The following HABP4 variants were observed in gnomAD, a reference collection of about 807,000 sequenced individuals.
HABP4 encodes the protein hyaluronan binding protein 4, also known as intracellular hyaluronan-binding protein 4.
HABP4 carries 32 observed loss-of-function variants against 44.1 expected under a neutral mutation model. The ratio of observed to expected loss-of-function variants is 0.73; its 90% confidence interval spans 0.55 to 0.97. The LOEUF is 0.97. Among genes scored for constraint, HABP4 ranks in the 50% least tolerant of loss-of-function variants. The pLI is 0.00. For missense variants in HABP4, 503 were observed against 561.9 expected (o/e 0.90, Z 1.06); for synonymous variants, 216 against 218.0 (o/e 0.99, Z 0.08).
At chr9:96,485,763 A>C (rs1459608954) in intron 6 of HABP4, among the ~76,000 whole-genome samples, 2 of 152,046 alleles carry the variant, frequency 1.3e-5, no homozygotes, top group Non-Finnish European at 2.9e-5. Flanking sequence ...ACAGCTTGAT[A>C]CCAGTCACTA....
rs749991176 is a variant in HABP4 at position 96,458,388 on chromosome 9, G to C, written c.359G>C (p.Arg120Pro). ...GATTTTCTGTTGGTAGGCCAGAAGC[G>C]GACTCCTAGAAGAGGGGAGCAGCAA... is the stretch of plus-strand genomic sequence containing the variant. ...GGGLQAPGQK[R>P]TPRRGEQQGW... The change falls in exon 2 of 8, where the codon CGG becomes CCG. Residue 120 changes from arginine (R) to proline (P), a missense_variant. Transcript: ENST00000375249. The C allele has an allele frequency of 1.5e-5, 24 of 1,613,820 alleles. No individual in the cohort carries two copies. In the Admixed American group the frequency reaches 2.0e-4, roughly 13 times the overall value.
At chr9:96,457,891 ATAAAT>A (rs1478650457) in intron 1 of HABP4, among the ~76,000 whole-genome samples, 1 of 152,206 alleles carries the variant, frequency 6.6e-6, no homozygotes, top group Non-Finnish European at 1.5e-5. Context: ...AATTAAGTAA[ATAAAT>A]TAAAAAAATA....
At position 96,489,962 on chromosome 9, in the gene HABP4, G is replaced by A. The variant is rs1423990449; in HGVS notation, c.1186-20G>A. 1 of 1,491,716 alleles carries A rather than the reference G, an allele frequency of 6.7e-7. No homozygotes were observed. The highest frequency in any genetic ancestry group is 1.4e-5 in the African/African-American group (1 of 72,752). 92.4% of individuals were successfully genotyped at this position (1,491,716 alleles called of 1,614,324 possible). On this transcript the variant is annotated intron_variant, in intron 7 of 7. Transcript: ENST00000375249. The stretch of plus-strand genomic sequence containing the variant: ...GGATGAAGGGGCAGTGGATTTCAAA[G>A]TATTTCTTTTTTTCTTTAGATGCAA...
chr9:96,458,449 C>G lies in HABP4; in HGVS notation c.420C>G (p.Leu140=), dbSNP rs773493966. Residue 140 remains leucine, a synonymous_variant, in exon 2 of 8, where the codon CTC becomes CTG. Transcript: ENST00000375249. ...WNDSRGPEGM[L]ERAERRSYRE... Reference sequence around the variant, plus strand: ...ACAGCCGTGGGCCGGAGGGGATGCTCGAAAGAGCTGAGCGGAGATCCTACA... The same window carrying G: ...ACAGCCGTGGGCCGGAGGGGATGCTGGAAAGAGCTGAGCGGAGATCCTACA... 103 of 1,613,484 alleles carry G rather than the reference C, an allele frequency of 6.4e-5. No homozygotes were observed. The highest frequency in any genetic ancestry group is 4.0e-4 in the Admixed American group (24 of 59,996).
intron 1 of HABP4, among the ~76,000 whole-genome samples, chr9:96,454,894 A>G (rs1170309968): frequency 6.6e-6 from 1 of 152,018 alleles, no homozygotes; most frequent in Admixed American, 6.6e-5. Flanking sequence ...CGGGAGGATC[A>G]CTCGAGCTCT....
chr9:96,457,209 A>G (rs1366146085), intron 1 of HABP4, among the ~76,000 whole-genome samples: 3 of 152,204 alleles, frequency 2.0e-5, no homozygotes, highest in African/African-American at 7.2e-5. Flanking sequence ...TCTACTGAAA[A>G]TACAACATTA....
At chr9:96,475,102 C>G (rs911636283) in intron 5 of HABP4, among the ~76,000 whole-genome samples, 1 of 152,138 alleles carries the variant, frequency 6.6e-6, no homozygotes, top group African/African-American at 2.4e-5. Context: ...ATTGGCCAGG[C>G]GCGGTGGCTC....
chr9:96,452,766 C>G (rs995570343), intron 1 of HABP4, among the ~76,000 whole-genome samples: 1 of 152,020 alleles, frequency 6.6e-6, no homozygotes, highest in Non-Finnish European at 1.5e-5. Context: ...AAGCACTGTA[C>G]TTTTCTAACA....
At position 96,485,145 on chromosome 9, in the gene HABP4, C is replaced by T. The variant is rs576061625; in HGVS notation, c.999+512C>T. Among the ~76,000 whole-genome samples the T allele has an allele frequency of 3.6e-3, 550 of 152,182 alleles. 1 individual carries two copies. Among genetic ancestry groups the T allele is most frequent in the Non-Finnish European group, 6.3e-3 (431 of 68,014 alleles). The stretch of plus-strand genomic sequence containing the variant: ...TTGGCTCACCGCAACCTCCGCCTCC[C>T]GGGTTCAAGCGATTCTCGTGCCTCA... On this transcript the variant is annotated intron_variant, in intron 6 of 7. Transcript: ENST00000375249.
rs1166475257 is a variant in HABP4, at chr9:96,490,051, TC to T, written c.*16del. 3 of 1,561,662 alleles carry T rather than the reference TC, an allele frequency of 1.9e-6. No individual in the cohort carries two copies. Among genetic ancestry groups the T allele is most frequent in the South Asian group, 1.1e-5 (1 of 90,054 alleles). On this transcript the variant is annotated 3_prime_UTR_variant, in exon 8 of 8. Coordinates refer to ENST00000375249, the MANE Select transcript of HABP4 (RefSeq NM_014282.4). ...TGCGCTGTCTTGAAAGAGCCCTGTT[TC>T]CCAGCACCGCGGAGCTGCACTGCAC...
chr9:96,481,105 G>A (rs1832869788), intron 5 of HABP4, among the ~76,000 whole-genome samples: 1 of 152,058 alleles, frequency 6.6e-6, no homozygotes, highest in Non-Finnish European at 1.5e-5. Flanking sequence ...TTGTTTTGGA[G>A]AAAGAGTCTT....
At chr9:96,459,400 G>A (rs1832460652) in intron 2 of HABP4, among the ~76,000 whole-genome samples, 1 of 152,148 alleles carries the variant, frequency 6.6e-6, no homozygotes, top group African/African-American at 2.4e-5. Flanking sequence ...GTGGGCTGGT[G>A]GAGTGTTGCG....
At chr9:96,458,343 G>T (rs1832436086) in intron 1 of HABP4, 36 bp from the exon 2 acceptor site, 4 of 1,595,842 alleles carry the variant, frequency 2.5e-6, no homozygotes, top group Non-Finnish European at 3.4e-6. Context: ...TGCAGATGTT[G>T]TGTTCCAGCT....
intron 1 of HABP4, among the ~76,000 whole-genome samples, chr9:96,457,344 A>C (rs894821832): frequency 2.6e-5 from 4 of 151,998 alleles, no homozygotes; most frequent in African/African-American, 9.7e-5. Flanking sequence ...TCAGTCTCAA[A>C]AAAAAAACAC....
intron 1 of HABP4, among the ~76,000 whole-genome samples, chr9:96,456,997 A>G (rs1368191510): frequency 6.6e-6 from 1 of 151,736 alleles, no homozygotes; most frequent in Non-Finnish European, 1.5e-5. Flanking sequence ...GTTCTCCACA[A>G]TGTATTTACC....
chr9:96,471,693 G>C (rs1445596376), intron 5 of HABP4, among the ~76,000 whole-genome samples: 1 of 152,126 alleles, frequency 6.6e-6, no homozygotes, highest in Non-Finnish European at 1.5e-5. Flanking sequence ...GACCTCTAGT[G>C]TCTTGTCCCC....
rs528533571 is a variant in HABP4 at position 96,488,374 on chromosome 9, A to C, written c.1185+100A>C. The C allele has an allele frequency of 2.6e-4, 194 of 736,616 alleles. 1 individual carries two copies. The highest frequency in any genetic ancestry group is 4.0e-4 in the Non-Finnish European group (184 of 456,454). 45.6% of individuals were successfully genotyped at this position (736,616 alleles called of 1,614,324 possible). A position where few individuals can be genotyped will look rare whatever the true frequency, so the allele number is the denominator to read the frequency against. ...CAGAGGGTCATGAGTTTCTGCAGTC[A>C]CTTCTTTCTGTAGCTAGTGTGGGAC... On this transcript the variant is annotated intron_variant, in intron 7 of 7. Transcript: ENST00000375249. The surrounding 1 kb of genome is among the most constrained non-coding windows in gnomAD (Gnocchi z 4.6).
chr9:96,461,667 C>G (rs892081546), intron 2 of HABP4, among the ~76,000 whole-genome samples: 1 of 152,050 alleles, frequency 6.6e-6, no homozygotes, highest in Non-Finnish European at 1.5e-5. Flanking sequence ...ACACACATTG[C>G]TGAAACTCTG....
chr9:96,484,151 T>C (rs1832929546), intron 5 of HABP4: 1 of 197,790 alleles, frequency 5.1e-6, no homozygotes. Flanking sequence ...TACCTCATTT[T>C]GTCTGTCATG....
Sources: allele counts gnomAD v4.1 joint callset (sites outside exome capture counted in the v4.1 genomes callset), GRCh38; gene constraint gnomAD v4.1.1; non-coding constraint Gnocchi (gnomAD v3.1); transcripts MANE v1.5; gene names NCBI Gene and HGNC (gene_info 2026-07-23, HGNC 2026-07-21).